Variants in TMEM163 observed in about 807,000 individuals in gnomAD.
TMEM163 encodes the protein transmembrane protein 163.
Under a neutral mutation model 29.3 loss-of-function variants are expected in TMEM163, and 17 were observed. The ratio of observed to expected loss-of-function variants is 0.58; its 90% CI spans 0.40 to 0.87. The LOEUF is 0.87. Among genes scored for constraint, TMEM163 ranks in the 40% least tolerant of loss-of-function variants. The pLI, the probability that TMEM163 is intolerant of heterozygous loss-of-function variation, is 0.00. For missense variants in TMEM163, 303 were observed against 381.5 expected, an observed-to-expected ratio of 0.79 and a Z score of 1.71; for synonymous variants, 157 against 160.6, an observed-to-expected ratio of 0.98 and a Z score of 0.17.
chr2:134,563,742 A>C (rs1356412648), intron 2 of TMEM163, among the ~76,000 whole-genome samples: 2 of 152,184 alleles, frequency 1.3e-5, no homozygotes, highest in Non-Finnish European at 2.9e-5. Flanking sequence ...GTTCATGTGG[A>C]AAGTGAAAAG....
Position 134,516,453 on chromosome 2 carries a change from CG to C in TMEM163, c.459-13457del, listed in dbSNP as rs1384364891. ...GTGGGTGCCTGTAATCCTAGCTACT[CG>C]GGAAGTTGAGACAGCAGAATCACTT... On this transcript the variant is annotated intron_variant, in intron 4 of 7. Transcript: ENST00000281924. 4.6e-5 allele frequency among the ~76,000 whole-genome samples: 7 copies of C among 151,680 alleles called. No individual in the cohort carries two copies. In the East Asian group the frequency reaches 1.4e-3, roughly 29 times the overall value.
At chr2:134,713,584 G>C (rs1684974464) in intron 1 of TMEM163, 1 of 591,280 alleles carries the variant, frequency 1.7e-6, no homozygotes, top group Non-Finnish European at 3.2e-6. Context: ...GAACTCCACA[G>C]ACCCCACCAC....
At chr2:134,609,850 AAGG>A (rs1429269528) in intron 2 of TMEM163, among the ~76,000 whole-genome samples, 2 of 144,616 alleles carry the variant, frequency 1.4e-5, no homozygotes, top group Non-Finnish European at 3.0e-5. Flanking sequence ...TACTGGTGAA[AAGG>A]AGGACAGATC....
intron 2 of TMEM163, among the ~76,000 whole-genome samples, chr2:134,656,620 C>G (rs1262705519): frequency 1.3e-5 from 2 of 152,218 alleles, no homozygotes; most frequent in Non-Finnish European, 2.9e-5. Flanking sequence ...GCAAGGTCAT[C>G]GAATGCTATG....
intron 5 of TMEM163, among the ~76,000 whole-genome samples, chr2:134,495,987 A>T (rs189059703): frequency 1.3e-5 from 2 of 152,174 alleles, no homozygotes; most frequent in Non-Finnish European, 2.9e-5. Flanking sequence ...GGACTCCCCA[A>T]TTCATCCACC....
chr2:134,570,845 C>T (rs749535067), intron 2 of TMEM163, among the ~76,000 whole-genome samples: 6 of 152,132 alleles, frequency 3.9e-5, no homozygotes, highest in Admixed American at 3.9e-4. Flanking sequence ...ATGAAGCTGA[C>T]ATAGAGGAGA....
rs1403918110 is a variant in TMEM163 at position 134,458,073 on chromosome 2, T to G, written c.768A>C (p.Ile256=). ...ATATGGTGAGGCCGATCAGAACGCC[T>G]ATGCTGCCGTCCAGGTACCAGACCG... The part of the protein sequence containing the change: ...DSAVWYLDGS[I]GVLIGLTIFA... Residue 256 remains isoleucine, a synonymous_variant, in exon 7 of 8, where the codon ATA becomes ATC. Transcript: ENST00000281924. 1.1e-5 allele frequency: 18 copies of G among 1,614,058 alleles called. No individual in the cohort carries two copies. Among genetic ancestry groups the G allele is most frequent in the Non-Finnish European group, 1.5e-5 (18 of 1,180,032 alleles).
intron 2 of TMEM163, among the ~76,000 whole-genome samples, chr2:134,583,314 A>G (rs116556809): frequency 0.028 from 4,200 of 152,354 alleles, 100 homozygotes; most frequent in Admixed American, 0.084. Context: ...ACATGGACAC[A>G]TTTAGACCCA....
intron 2 of TMEM163, among the ~76,000 whole-genome samples, chr2:134,554,237 A>C (rs1680996352): frequency 1.3e-5 from 2 of 151,970 alleles, no homozygotes; most frequent in Non-Finnish European, 2.9e-5. Context: ...ATCCTGGCCA[A>C]CATGAAGAAA....
intron 2 of TMEM163, among the ~76,000 whole-genome samples, chr2:134,635,685 G>A (rs1403170979): frequency 3.3e-5 from 5 of 152,098 alleles, no homozygotes; most frequent in South Asian, 2.1e-4. Context: ...AAAGAAATAC[G>A]GAAACCCAGA....
At chr2:134,686,057 T>C (rs1684344310) in intron 2 of TMEM163, among the ~76,000 whole-genome samples, 1 of 152,186 alleles carries the variant, frequency 6.6e-6, no homozygotes, top group Non-Finnish European at 1.5e-5. Flanking sequence ...CCTGGTGTCA[T>C]ACCCAGAGTC....
chr2:134,678,902 G>C (rs1288629592), intron 2 of TMEM163, among the ~76,000 whole-genome samples: 1 of 152,226 alleles, frequency 6.6e-6, no homozygotes, highest in Non-Finnish European at 1.5e-5. Context: ...TCCTGTATGT[G>C]AGAACAGCTA....
chr2:134,535,392 T>C (rs1680512056), intron 4 of TMEM163, among the ~76,000 whole-genome samples: 1 of 152,236 alleles, frequency 6.6e-6, no homozygotes, highest in South Asian at 2.1e-4. Context: ...AATTTGCTTG[T>C]TCTGTCGCCC....
Position 134,502,930 on chromosome 2 carries a change from C to A in TMEM163, c.526G>T (p.Asp176Tyr). ...SICIVVKAIH[D>Y]LSTRLLPEVD... ...TCTGGGAGCAGCCTAGTTGAGAGGT[C>A]ATGGATGGCTTTGACCACTATACAT... The change falls in exon 5 of 8, where the codon GAC becomes TAC. Residue 176 changes from aspartate (D) to tyrosine (Y), a missense_variant. Transcript: ENST00000281924. The A allele has an allele frequency of 6.2e-7, 1 of 1,613,858 alleles. No individual in the cohort carries two copies.
At chr2:134,573,122 C>G (rs1681470699) in intron 2 of TMEM163, among the ~76,000 whole-genome samples, 1 of 152,064 alleles carries the variant, frequency 6.6e-6, no homozygotes, top group African/African-American at 2.4e-5. Context: ...TTTACATGGC[C>G]CAAGGAAACA....
intron 2 of TMEM163, among the ~76,000 whole-genome samples, chr2:134,559,938 T>C (rs767074727): frequency 6.6e-6 from 1 of 152,120 alleles, no homozygotes; most frequent in Non-Finnish European, 1.5e-5. Flanking sequence ...GCCATGGTCC[T>C]TAGGATGGAG....
At chr2:134,630,776 C>T (rs184716533) in intron 2 of TMEM163, among the ~76,000 whole-genome samples, 2 of 152,336 alleles carry the variant, frequency 1.3e-5, no homozygotes, top group African/African-American at 4.8e-5. Context: ...CCTCCAGTTC[C>T]TCTTCACACT....
chr2:134,633,650 T>C (rs1460456365), intron 2 of TMEM163, among the ~76,000 whole-genome samples: 1 of 152,034 alleles, frequency 6.6e-6, no homozygotes, highest in African/African-American at 2.4e-5. Flanking sequence ...AAAGAGTGAA[T>C]AAGAACAGTC....
rs1159013721 is a variant in TMEM163, at chr2:134,493,362, CTTTTTTTTTTT to C, written c.555+9528_555+9538del. On this transcript the variant is annotated intron_variant, in intron 5 of 7. Coordinates refer to ENST00000281924, the MANE Select transcript of TMEM163 (RefSeq NM_030923.5). ...GACTTATGGTTCAAGCTTTTGGTGT[CTTTTTTTTTTT>C]TTTTTTTTTTTTTTTTTTGAGATGG... Among the ~76,000 whole-genome samples, 4 of 49,850 alleles carry C rather than the reference CTTTTTTTTTTT, an allele frequency of 8.0e-5. No homozygotes were observed. The East Asian group carries it at 1.8e-3, about 22-fold the overall frequency. 32.7% of individuals were successfully genotyped at this position (49,850 alleles called of 152,430 possible).
Sources: allele counts gnomAD v4.1 joint callset (sites outside exome capture counted in the v4.1 genomes callset), GRCh38; gene constraint gnomAD v4.1.1; transcripts MANE v1.5; gene names NCBI Gene and HGNC (gene_info 2026-07-23, HGNC 2026-07-21).